ATXN1: variants seen among roughly 807,000 people sequenced by gnomAD.
ATXN1 encodes ataxin 1.
A neutral mutation model predicts 56.4 loss-of-function variants in ATXN1; 8 were observed. The observed-to-expected ratio is 0.14, with a 90% CI of 0.08 to 0.26. The LOEUF (loss-of-function observed/expected upper bound fraction) is 0.26, where lower values mean the gene tolerates loss of function less well. ATXN1 is among the 10% of genes least tolerant of loss of function. ATXN1 has a pLI of 1.00. For missense variants in ATXN1, 987 were observed against 1,106.5 expected, an observed-to-expected ratio of 0.89 and a Z score of 1.53; for synonymous variants, 514 against 494.6, an observed-to-expected ratio of 1.04 and a Z score of -0.52.
chr6:16,438,616 C>T (rs1460300380), intron 6 of ATXN1, among the ~76,000 whole-genome samples: 1 of 152,194 alleles, frequency 6.6e-6, no homozygotes, highest in African/African-American at 2.4e-5. Flanking sequence ...TATTGTCTTT[C>T]TGTAGACTCA....
chr6:16,359,920 G>C (rs1012515845), intron 6 of ATXN1, among the ~76,000 whole-genome samples: 2 of 152,062 alleles, frequency 1.3e-5, no homozygotes, highest in African/African-American at 4.8e-5. Flanking sequence ...TTGGGAGAAA[G>C]GGTGGGAGGG....
At chr6:16,586,984 C>G (rs1012176647) in intron 3 of ATXN1, among the ~76,000 whole-genome samples, 3 of 151,812 alleles carry the variant, frequency 2.0e-5, no homozygotes, top group Admixed American at 6.6e-5. Flanking sequence ...TGCCACTGCA[C>G]TCCAGCCTGG....
At chr6:16,527,310 C>T (rs1157674676) in intron 4 of ATXN1, among the ~76,000 whole-genome samples, 1 of 151,986 alleles carries the variant, frequency 6.6e-6, no homozygotes, top group Non-Finnish European at 1.5e-5. Context: ...GTGTGGAAAT[C>T]GTGTCTCCAG....
At chr6:16,551,150 T>C (rs1327636067) in intron 4 of ATXN1, among the ~76,000 whole-genome samples, 2 of 152,336 alleles carry the variant, frequency 1.3e-5, no homozygotes, top group Non-Finnish European at 2.9e-5. Context: ...CTACATATTT[T>C]ACTGCAGGAA....
chr6:16,495,426 C>T (rs185499610), intron 5 of ATXN1, among the ~76,000 whole-genome samples: 99 of 152,296 alleles, frequency 6.5e-4, no homozygotes, highest in Non-Finnish European at 1.2e-3. Flanking sequence ...TTTGAACAGA[C>T]ACAAGTAACA....
At chr6:16,570,878 T>TC (rs1203537573) in intron 4 of ATXN1, among the ~76,000 whole-genome samples, 1 of 152,202 alleles carries the variant, frequency 6.6e-6, no homozygotes, top group African/African-American at 2.4e-5. Flanking sequence ...TCTGGAGCTG[T>TC]CCACCCTCAT....
chr6:16,416,582 A>T (rs1758913317), intron 6 of ATXN1, among the ~76,000 whole-genome samples: 1 of 152,256 alleles, frequency 6.6e-6, no homozygotes, highest in East Asian at 1.9e-4. Flanking sequence ...ATAAATATCA[A>T]CTGTAATTAT....
At chr6:16,532,089 C>A (rs892501926) in intron 4 of ATXN1, among the ~76,000 whole-genome samples, 1 of 152,110 alleles carries the variant, frequency 6.6e-6, no homozygotes, top group African/African-American at 2.4e-5. Flanking sequence ...ACAGGCATGT[C>A]GGTGTTCCAA....
chr6:16,642,182 T>C (rs1054543398), intron 3 of ATXN1, among the ~76,000 whole-genome samples: 1 of 152,110 alleles, frequency 6.6e-6, no homozygotes, highest in Admixed American at 6.5e-5. Context: ...GGTCCGGAGA[T>C]AGAGGCCATC....
At chr6:16,643,282 T>C (rs963699107) in intron 3 of ATXN1, among the ~76,000 whole-genome samples, 1 of 148,868 alleles carries the variant, frequency 6.7e-6, no homozygotes, top group African/African-American at 2.5e-5. Flanking sequence ...ACAATATCTC[T>C]GAGCTATGCC....
At chr6:16,740,057 G>C (rs1380646283) in intron 2 of ATXN1, 3 of 301,556 alleles carry the variant, frequency 9.9e-6, no homozygotes, top group African/African-American at 2.2e-5. Context: ...CCTTTGTCTT[G>C]TTTGCAGTTT....
intron 3 of ATXN1, among the ~76,000 whole-genome samples, chr6:16,592,029 A>C (rs1762732065): frequency 6.6e-6 from 1 of 152,096 alleles, no homozygotes; most frequent in Middle Eastern, 3.2e-3. Context: ...TGGGTGTTCT[A>C]AAGACAAATG....
intron 5 of ATXN1, among the ~76,000 whole-genome samples, chr6:16,503,199 C>A (rs1162434949): frequency 6.6e-6 from 1 of 152,180 alleles, no homozygotes; most frequent in African/African-American, 2.4e-5. Context: ...TCATCCATCA[C>A]CACCAAGTAC....
chr6:16,740,935 A>G (rs1044442396), intron 2 of ATXN1, among the ~76,000 whole-genome samples: 3 of 152,230 alleles, frequency 2.0e-5, no homozygotes, highest in African/African-American at 7.2e-5. Context: ...TTCCAGCTCC[A>G]TCTCAATATT....
chr6:16,602,898 C>T (rs1457164778), intron 3 of ATXN1, among the ~76,000 whole-genome samples: 1 of 152,046 alleles, frequency 6.6e-6, no homozygotes, highest in Non-Finnish European at 1.5e-5. Context: ...CATGGACAGG[C>T]TATGTAACTG....
At position 16,327,241 on chromosome 6, in the gene ATXN1, T is replaced by G. The variant is rs1488189090; in HGVS notation, c.1070A>C (p.Glu357Ala). ...AGGKSVPHPY[E>A]SRHVVVHPSP... ...CGGGTGGACCACCACGTGCCTGGACTCGTACGGGTGAGGAACCGACTTGCC... is the reference window on the plus strand; with the variant it reads ...CGGGTGGACCACCACGTGCCTGGACGCGTACGGGTGAGGAACCGACTTGCC... Residue 357 changes from glutamate to alanine, a missense_variant, in exon 7 of 8, where the codon GAG becomes GCG. Coordinates refer to ENST00000436367, the MANE Select transcript of ATXN1 (RefSeq NM_001128164.2). 2.0e-5 allele frequency: 32 copies of G among 1,613,366 alleles called. No homozygotes were observed. Among genetic ancestry groups the G allele is most frequent in the Non-Finnish European group, 2.7e-5 (32 of 1,179,678 alleles).
intron 7 of ATXN1, among the ~76,000 whole-genome samples, chr6:16,309,296 T>C (rs1293336134): frequency 2.0e-5 from 3 of 151,118 alleles, no homozygotes; most frequent in Non-Finnish European, 4.4e-5. Context: ...ATGAGAATTG[T>C]AGAATTAAAA....
At chr6:16,609,089 T>C (rs1763060472) in intron 3 of ATXN1, among the ~76,000 whole-genome samples, 1 of 152,216 alleles carries the variant, frequency 6.6e-6, no homozygotes, top group Non-Finnish European at 1.5e-5. Context: ...CATAAAAGGC[T>C]GAATCAGAAA....
At chr6:16,730,943 C>A (rs757474226) in intron 2 of ATXN1, among the ~76,000 whole-genome samples, 2 of 152,066 alleles carry the variant, frequency 1.3e-5, no homozygotes, top group Non-Finnish European at 2.9e-5. Flanking sequence ...TTTCAAAATT[C>A]CTTTGTGTAT....
Sources: gnomAD v4.1 joint callset for allele counts (sites outside exome capture counted in the v4.1 genomes callset) on GRCh38, gnomAD v4.1.1 for gene constraint, MANE v1.5 for transcripts, NCBI Gene and HGNC (gene_info 2026-07-23, HGNC 2026-07-21) for gene names.